The following PELI2 variants were observed in gnomAD, a reference collection of about 807,000 sequenced individuals.
The protein encoded by PELI2 is E3 ubiquitin-protein ligase pellino homolog 2.
Under a neutral mutation model 42.3 loss-of-function variants are expected in PELI2, and 23 were observed. The ratio of observed to expected loss-of-function variants is 0.54; its 90% CI spans 0.39 to 0.77. The LOEUF (loss-of-function observed/expected upper bound fraction) is 0.77. Among genes scored for constraint, PELI2 ranks in the 30% least tolerant of loss-of-function variants. The probability of loss-of-function intolerance (pLI) is 0.00; values close to 1 mark genes in which losing one functional copy is unlikely to be tolerated. For missense variants in PELI2, 463 were observed against 553.2 expected (o/e 0.84, Z 1.64); for synonymous variants, 245 against 212.2 (o/e 1.15, Z -1.34).
intron 2 of PELI2, among the ~76,000 whole-genome samples, chr14:56,222,402 C>T (rs1208378333): frequency 6.6e-6 from 1 of 152,184 alleles, no homozygotes; most frequent in African/African-American, 2.4e-5. Context: ...TTAGGTGAAC[C>T]AAGTGTTGAA....
chr14:56,234,855 G>A (rs1202688945), intron 2 of PELI2, among the ~76,000 whole-genome samples: 1 of 152,172 alleles, frequency 6.6e-6, no homozygotes, highest in Non-Finnish European at 1.5e-5. Flanking sequence ...GGAGCATGGA[G>A]TTGGTTCCAC....
In PELI2 at chr14:56,300,796, G is replaced by C. The variant is rs1402933776; in HGVS notation, c.*3630G>C. 6.6e-6 allele frequency: 1 copy of C among 152,060 alleles called. No homozygotes were observed. 9.4% of individuals were successfully genotyped at this position (152,060 alleles called of 1,614,324 possible). A position where few individuals can be genotyped will look rare whatever the true frequency, so the allele number is the denominator to read the frequency against. On this transcript the variant is annotated 3_prime_UTR_variant, in exon 6 of 6. Transcript: ENST00000267460. ...GTCAATCTTCTGTCCCAGTAGTTTA[G>C]CCTTTGTGGCTTAGGTTATGATGCG...
At chr14:56,145,012 G>A in intron 1 of PELI2, 3 of 969,252 alleles carry the variant, frequency 3.1e-6, no homozygotes, top group Non-Finnish European at 3.7e-6. Context: ...TGGGTGTTAG[G>A]TTAAGTCCTG....
At chr14:56,132,662 C>T (rs1004076799) in intron 1 of PELI2, among the ~76,000 whole-genome samples, 1 of 152,164 alleles carries the variant, frequency 6.6e-6, no homozygotes, top group Non-Finnish European at 1.5e-5. Context: ...CAATAGAGCT[C>T]ATCTCCCTCA....
chr14:56,285,559 T>G (rs929393768), intron 3 of PELI2, among the ~76,000 whole-genome samples: 4 of 152,110 alleles, frequency 2.6e-5, no homozygotes, highest in African/African-American at 9.7e-5. Context: ...AAGGGGGGAC[T>G]ATTTACCAAC....
chr14:56,187,624 GTGCGTGA>G (rs1404661131), intron 2 of PELI2, among the ~76,000 whole-genome samples: 1 of 152,230 alleles, frequency 6.6e-6, no homozygotes, highest in Non-Finnish European at 1.5e-5. Context: ...TCACGTTAAA[GTGCGTGA>G]TTGGCCTTAA....
At chr14:56,214,640 G>T (rs886092477) in intron 2 of PELI2, among the ~76,000 whole-genome samples, 4 of 152,128 alleles carry the variant, frequency 2.6e-5, no homozygotes, top group African/African-American at 9.7e-5. Context: ...GGGCAGCCTT[G>T]GAGCAGGCTG....
At chr14:56,242,347 A>C (rs1392781228) in intron 2 of PELI2, among the ~76,000 whole-genome samples, 1 of 152,226 alleles carries the variant, frequency 6.6e-6, no homozygotes, top group African/African-American at 2.4e-5. Flanking sequence ...CTATCAATTG[A>C]AAACAAAATT....
rs544973896 is a variant in PELI2, at chr14:56,126,750, T to C, written c.77+8013T>C. Among the ~76,000 whole-genome samples, 7 of 152,302 alleles carry C rather than the reference T, an allele frequency of 4.6e-5. No individual in the cohort carries two copies. In the South Asian group the frequency reaches 1.5e-3, roughly 32 times the overall value. On this transcript the variant is annotated intron_variant, in intron 1 of 5. Transcript: ENST00000267460. ...ATGATTGATTGATGGATTGATTGAT[T>C]GATTGCGTTGGGGAAAGGCCCTTCC...
intron 2 of PELI2, among the ~76,000 whole-genome samples, chr14:56,215,107 G>C (rs1051991400): frequency 6.6e-6 from 1 of 152,184 alleles, no homozygotes; most frequent in African/African-American, 2.4e-5. Context: ...ACACAATTGA[G>C]CTTCTCTTAT....
intron 2 of PELI2, among the ~76,000 whole-genome samples, chr14:56,229,056 G>A (rs1372820469): frequency 1.3e-5 from 2 of 152,224 alleles, no homozygotes; most frequent in Non-Finnish European, 2.9e-5. Flanking sequence ...GGGGAGGGGC[G>A]TCTGCCATTG....
At chr14:56,193,436 G>A (rs150781682) in intron 2 of PELI2, among the ~76,000 whole-genome samples, 150 of 152,272 alleles carry the variant, frequency 9.9e-4, no homozygotes, top group African/African-American at 3.5e-3. Flanking sequence ...AAAAATGCAG[G>A]GAAGTTGGGG....
At chr14:56,260,034 A>G (rs1317284526) in intron 2 of PELI2, among the ~76,000 whole-genome samples, 1 of 152,134 alleles carries the variant, frequency 6.6e-6, no homozygotes, top group African/African-American at 2.4e-5. Context: ...ACTTGATATT[A>G]TTTAGATACC....
chr14:56,144,263 T>C (rs1392059852), intron 1 of PELI2, among the ~76,000 whole-genome samples: 1 of 152,206 alleles, frequency 6.6e-6, no homozygotes, highest in African/African-American at 2.4e-5. Flanking sequence ...TAGCAAGAGA[T>C]ATATTAAAAA....
At chr14:56,268,611 CAT>C (rs1888990808) in intron 2 of PELI2, among the ~76,000 whole-genome samples, 1 of 152,192 alleles carries the variant, frequency 6.6e-6, no homozygotes, top group Non-Finnish European at 1.5e-5. Context: ...CATCTGGAAA[CAT>C]AAAATGTTCA....
intron 1 of PELI2, among the ~76,000 whole-genome samples, chr14:56,143,067 A>G (rs1883976487): frequency 6.6e-6 from 1 of 152,120 alleles, no homozygotes; most frequent in Non-Finnish European, 1.5e-5. Context: ...TGGTTCCACA[A>G]TCCAGTCTAG....
At chr14:56,160,822 T>C (rs560253436) in intron 1 of PELI2, among the ~76,000 whole-genome samples, 1 of 152,314 alleles carries the variant, frequency 6.6e-6, no homozygotes, top group African/African-American at 2.4e-5. Context: ...TGTGTTACTA[T>C]CTGTGTAGCT....
At chr14:56,249,323 A>G (rs1039383652) in intron 2 of PELI2, among the ~76,000 whole-genome samples, 1 of 152,132 alleles carries the variant, frequency 6.6e-6, no homozygotes, top group African/African-American at 2.4e-5. Context: ...CATCCTTTAC[A>G]TATATCATGC....
chr14:56,201,331 A>G (rs4901643), intron 2 of PELI2, among the ~76,000 whole-genome samples: 61,343 of 152,110 alleles, frequency 0.4, 13,083 homozygotes, highest in South Asian at 0.53. Flanking sequence ...AGATTTTTTC[A>G]CTTAAGTAGG....
Sources: allele counts gnomAD v4.1 joint callset (sites outside exome capture counted in the v4.1 genomes callset), GRCh38; gene constraint gnomAD v4.1.1; transcripts MANE v1.5; gene names NCBI Gene and HGNC (gene_info 2026-07-23, HGNC 2026-07-21).